The following INPP5B variants were observed in gnomAD, a reference collection of about 807,000 sequenced individuals.
The protein encoded by INPP5B is type II inositol 1,4,5-trisphosphate 5-phosphatase.
INPP5B carries 90 observed loss-of-function variants against 118.5 expected under a neutral mutation model. The observed-to-expected ratio is 0.76, with a 90% CI of 0.64 to 0.90. The LOEUF is 0.90. Among genes scored for constraint, INPP5B ranks in the 40% least tolerant of loss-of-function variants. INPP5B has a pLI of 0.00. For missense variants in INPP5B, 984 were observed against 1,125.6 expected, an observed-to-expected ratio of 0.87 and a Z score of 1.80; for synonymous variants, 385 against 418.9, an observed-to-expected ratio of 0.92 and a Z score of 0.99.
At chr1:37,878,166 A>G (rs776588727) in intron 16 of INPP5B, 22 bp downstream of exon 16, 1 of 1,613,426 alleles carries the variant, frequency 6.2e-7, no homozygotes, top group South Asian at 1.1e-5. Context: ...AATGATTACA[A>G]CAGGTACCAG....
chr1:37,928,647 A>T (rs1645333671), intron 7 of INPP5B: 1 of 152,048 alleles, frequency 6.6e-6, no homozygotes, highest in Non-Finnish European at 1.5e-5. Context: ...GGCATAAGCC[A>T]CTGTGCCTGG....
At chr1:37,890,873 G>C (rs952944666) in intron 8 of INPP5B, among the ~76,000 whole-genome samples, 2 of 152,124 alleles carry the variant, frequency 1.3e-5, no homozygotes, top group Non-Finnish European at 2.9e-5. Context: ...GCTAAAATAA[G>C]ATAGTCCAAA....
At chr1:37,871,990 G>A (rs1642472574) in intron 19 of INPP5B, among the ~76,000 whole-genome samples, 1 of 149,136 alleles carries the variant, frequency 6.7e-6, no homozygotes, top group African/African-American at 2.5e-5. Context: ...CTTGAGCCCA[G>A]GAGGTGGAGG....
intron 7 of INPP5B, among the ~76,000 whole-genome samples, chr1:37,911,255 C>T (rs533866602): frequency 9.8e-5 from 15 of 152,296 alleles, no homozygotes; most frequent in East Asian, 3.9e-4. Flanking sequence ...TCACACTTGA[C>T]GCATATACTT....
intron 10 of INPP5B, among the ~76,000 whole-genome samples, chr1:37,887,691 C>T (rs933942550): frequency 2.6e-5 from 4 of 152,118 alleles, no homozygotes; most frequent in South Asian, 2.1e-4. Flanking sequence ...TGAAGTAGTT[C>T]GAAGTGTCCC....
chr1:37,875,276 CT>C (rs146816630), intron 17 of INPP5B, among the ~76,000 whole-genome samples: 2 of 150,280 alleles, frequency 1.3e-5, no homozygotes, highest in African/African-American at 2.4e-5. Context: ...CAACACTAAT[CT>C]TTTTTTTTTG....
At chr1:37,931,033 G>A (rs1645436750) in intron 7 of INPP5B, 1 of 156,718 alleles carries the variant, frequency 6.4e-6, no homozygotes, top group African/African-American at 2.4e-5. Flanking sequence ...CCAAATTTCA[G>A]CCCTGAGCCT....
chr1:37,861,112 A>T lies in INPP5B; in HGVS notation c.*1203T>A, dbSNP rs1641670239. 6.6e-6 allele frequency: 1 copy of T among 152,226 alleles called. No homozygotes were observed. Among genetic ancestry groups the T allele is most frequent in the African/African-American group, 2.4e-5 (1 of 41,458 alleles). 9.4% of individuals were successfully genotyped at this position (152,226 alleles called of 1,614,324 possible). A position where few individuals can be genotyped will look rare whatever the true frequency, so the allele number is the denominator to read the frequency against. ...CCAAAGTGCCGAGATTACAGGCGTGAGCCACTGTGCCTGGTCATTTTAATT... is the reference window on the plus strand; with the variant it reads ...CCAAAGTGCCGAGATTACAGGCGTGTGCCACTGTGCCTGGTCATTTTAATT... On this transcript the variant is annotated 3_prime_UTR_variant, in exon 24 of 24. Coordinates refer to ENST00000373024, the MANE Select transcript of INPP5B (RefSeq NM_005540.3).
chr1:37,878,367 G>A (rs780833274), intron 15 of INPP5B, 44 bp from the exon 16 acceptor site: 3 of 1,608,590 alleles, frequency 1.9e-6, no homozygotes, highest in Non-Finnish European at 2.5e-6. Flanking sequence ...AGAAACAGCA[G>A]TGCCCGCTGC....
intron 7 of INPP5B, among the ~76,000 whole-genome samples, chr1:37,910,058 C>T (rs960476527): frequency 6.6e-6 from 1 of 152,178 alleles, no homozygotes; most frequent in Admixed American, 6.5e-5. Flanking sequence ...TCCCAGAGCC[C>T]CTGGAACTCT....
At chr1:37,928,895 G>A (rs571631019) in intron 7 of INPP5B, 2 of 152,106 alleles carry the variant, frequency 1.3e-5, no homozygotes, top group African/African-American at 2.4e-5. Context: ...CTACTACTCC[G>A]TTTCCCTTGG....
chr1:37,888,716 C>A (rs1643677444), intron 9 of INPP5B, among the ~76,000 whole-genome samples: 1 of 152,198 alleles, frequency 6.6e-6, no homozygotes, highest in South Asian at 2.1e-4. Context: ...ATTCAAAAGG[C>A]TATTTCTTCA....
At chr1:37,935,031 C>G (rs1290668654) in intron 6 of INPP5B, among the ~76,000 whole-genome samples, 1 of 150,774 alleles carries the variant, frequency 6.6e-6, no homozygotes, top group Non-Finnish European at 1.5e-5. Context: ...AACCCCGTCT[C>G]TACTAAAAAA....
chr1:37,864,243 T>G (rs1422164874), intron 23 of INPP5B, 69 bp downstream of exon 23: 2 of 873,022 alleles, frequency 2.3e-6, no homozygotes, highest in East Asian at 2.6e-5. Flanking sequence ...GGGACCCTCC[T>G]CAACCTCATT....
chr1:37,903,074 G>A (rs979982869), intron 7 of INPP5B, among the ~76,000 whole-genome samples: 3 of 152,098 alleles, frequency 2.0e-5, no homozygotes, highest in African/African-American at 7.2e-5. Flanking sequence ...TTTTATCAGA[G>A]GCATTTGAAC....
chr1:37,896,207 G>A (rs1178904968), intron 7 of INPP5B, among the ~76,000 whole-genome samples: 3 of 142,124 alleles, frequency 2.1e-5, no homozygotes, highest in South Asian at 2.3e-4. Context: ...CGGCCGCCCC[G>A]TCTGAGAAGT....
chr1:37,901,351 A>G (rs1023180147), intron 7 of INPP5B, among the ~76,000 whole-genome samples: 6 of 152,138 alleles, frequency 3.9e-5, no homozygotes, highest in African/African-American at 1.4e-4. Flanking sequence ...CTTCATCTAT[A>G]AAGTGGGGAT....
chr1:37,891,792 C>CAAAT (rs1297485279), intron 7 of INPP5B, among the ~76,000 whole-genome samples: 3 of 152,074 alleles, frequency 2.0e-5, no homozygotes, highest in Non-Finnish European at 4.4e-5. Flanking sequence ...AACAAACAAA[C>CAAAT]AAATAAATAA....
Position 37,885,844 on chromosome 1 carries a change from A to G in INPP5B, c.1132-19T>C. The G allele has an allele frequency of 6.2e-7, 1 of 1,609,792 alleles. No individual in the cohort carries two copies. Among genetic ancestry groups the G allele is most frequent in the Non-Finnish European group, 8.5e-7 (1 of 1,176,926 alleles). The stretch of plus-strand genomic sequence containing the variant: ...TGTTGCCCTATGGAAAGGATCCCCA[A>G]AGAAATCCAATTCAAACTTAATTGT... On this transcript the variant is annotated intron_variant, in intron 12 of 23. Transcript: ENST00000373024.
Sources: allele counts gnomAD v4.1 joint callset (sites outside exome capture counted in the v4.1 genomes callset), GRCh38; gene constraint gnomAD v4.1.1; transcripts MANE v1.5; gene names NCBI Gene and HGNC (gene_info 2026-07-23, HGNC 2026-07-21).